Variants in GRM8 observed in about 807,000 individuals in gnomAD.
The protein encoded by GRM8 is metabotropic glutamate receptor 8.
Under a neutral mutation model 87.2 loss-of-function variants are expected in GRM8, and 47 were observed. The ratio of observed to expected loss-of-function variants is 0.54; its 90% CI spans 0.43 to 0.69. The LOEUF is 0.69. Ranked by LOEUF, GRM8 falls within the 30% of genes least tolerant of loss-of-function variation. GRM8 has a pLI of 0.00. For synonymous variants in GRM8, 396 were observed against 404.5 expected, an observed-to-expected ratio of 0.98 and a Z score of 0.25; for missense variants, 1,019 against 1,139.2, an observed-to-expected ratio of 0.89 and a Z score of 1.52.
chr7:126,608,771 T>C (rs1798616574), intron 8 of GRM8, among the ~76,000 whole-genome samples: 1 of 150,836 alleles, frequency 6.6e-6, no homozygotes, highest in Non-Finnish European at 1.5e-5. Flanking sequence ...TTTTTTTTTT[T>C]TTTTTTTCTT....
At chr7:127,210,422 G>A (rs1420340750) in intron 2 of GRM8, among the ~76,000 whole-genome samples, 3 of 152,292 alleles carry the variant, frequency 2.0e-5, no homozygotes, top group Non-Finnish European at 2.9e-5. Flanking sequence ...AATGTTCCAC[G>A]CCTGTGAAAC....
intron 7 of GRM8, among the ~76,000 whole-genome samples, chr7:126,657,629 A>G (rs1804672527): frequency 6.6e-6 from 1 of 152,268 alleles, no homozygotes; most frequent in Admixed American, 6.5e-5. Flanking sequence ...TGAACTCCAG[A>G]GTCTGCAGGC....
At chr7:126,522,253 C>T (rs535757527) in intron 9 of GRM8, among the ~76,000 whole-genome samples, 2 of 152,266 alleles carry the variant, frequency 1.3e-5, no homozygotes, top group South Asian at 4.2e-4. Flanking sequence ...CTTCCACCGC[C>T]ACATGTCAAA....
At chr7:126,913,297 C>G (rs1336174170) in intron 3 of GRM8, among the ~76,000 whole-genome samples, 5 of 152,168 alleles carry the variant, frequency 3.3e-5, no homozygotes, top group Admixed American at 1.3e-4. Flanking sequence ...TAAATCAACT[C>G]AAGTCTGTGG....
intron 9 of GRM8, among the ~76,000 whole-genome samples, chr7:126,481,064 C>A (rs1306960215): frequency 6.6e-6 from 1 of 151,836 alleles, no homozygotes; most frequent in Admixed American, 6.6e-5. Flanking sequence ...AATTTGAGTG[C>A]AAAATATATG....
chr7:126,483,975 G>A (rs939903972), intron 9 of GRM8, among the ~76,000 whole-genome samples: 1 of 151,954 alleles, frequency 6.6e-6, no homozygotes, highest in Non-Finnish European at 1.5e-5. Flanking sequence ...CCAGACTTGA[G>A]CATCAGTCAC....
chr7:126,627,587 T>C (rs1406103225), intron 7 of GRM8, among the ~76,000 whole-genome samples: 1 of 152,184 alleles, frequency 6.6e-6, no homozygotes, highest in Non-Finnish European at 1.5e-5. Context: ...ACAATGCTAA[T>C]AAGAAGTGGC....
At chr7:127,157,969 T>C (rs372561326) in intron 2 of GRM8, among the ~76,000 whole-genome samples, 10 of 152,140 alleles carry the variant, frequency 6.6e-5, no homozygotes, top group African/African-American at 2.4e-4. Flanking sequence ...CAATCAGTGA[T>C]GGCAATGTGC....
chr7:127,014,574 C>T (rs776157444), intron 3 of GRM8, among the ~76,000 whole-genome samples: 11 of 151,972 alleles, frequency 7.2e-5, no homozygotes, highest in East Asian at 1.9e-4. Flanking sequence ...ACTCATAATA[C>T]GGTTGTGCAG....
chr7:126,629,377 C>A (rs986837417), intron 7 of GRM8, among the ~76,000 whole-genome samples: 2 of 152,038 alleles, frequency 1.3e-5, no homozygotes, highest in African/African-American at 2.4e-5. Flanking sequence ...TAAAATCAGG[C>A]AGAAAGTCAC....
chr7:127,240,577 G>A lies in GRM8; in HGVS notation c.510+2118C>T, dbSNP rs117728814. ...ACAGGAATTACAATGGTATTGACAG[G>A]AACCCGAATTGGTTTATAAGGAGAG... On this transcript the variant is annotated intron_variant, in intron 2 of 10. Coordinates refer to ENST00000339582, the MANE Select transcript of GRM8 (RefSeq NM_000845.3). Among the ~76,000 whole-genome samples the A allele has an allele frequency of 4.2e-3, 637 of 152,232 alleles. 5 individuals carry two copies. Among genetic ancestry groups the A allele is most frequent in the South Asian group, 0.029 (139 of 4,818 alleles).
chr7:127,237,743 C>G (rs1336274006), intron 2 of GRM8, among the ~76,000 whole-genome samples: 1 of 152,132 alleles, frequency 6.6e-6, no homozygotes, highest in Non-Finnish European at 1.5e-5. Flanking sequence ...AATTAACAAT[C>G]CAGGTAAAGT....
chr7:127,022,513 T>C (rs1586777274), intron 3 of GRM8, among the ~76,000 whole-genome samples: 5 of 151,734 alleles, frequency 3.3e-5, no homozygotes, highest in African/African-American at 1.2e-4. Flanking sequence ...TGGAGAGGCA[T>C]GGGGGTGGAG....
chr7:126,845,490 A>G lies in GRM8; in HGVS notation c.1156+57052T>C, dbSNP rs142580327. Reference sequence around the variant, plus strand: ...AAAGGATACTTATCAGCATTTTTCCATCTCACAATCTGCACAGAAATGAAT... The same window carrying G: ...AAAGGATACTTATCAGCATTTTTCCGTCTCACAATCTGCACAGAAATGAAT... On this transcript the variant is annotated intron_variant, in intron 6 of 10. Transcript: ENST00000339582. Among the ~76,000 whole-genome samples, 114 of 152,220 alleles carry G rather than the reference A, an allele frequency of 7.5e-4. No individual in the cohort carries two copies. The East Asian group carries it at 0.015, about 21-fold the overall frequency.
At chr7:126,648,332 C>A (rs1485131110) in intron 7 of GRM8, among the ~76,000 whole-genome samples, 1 of 152,106 alleles carries the variant, frequency 6.6e-6, no homozygotes, top group East Asian at 1.9e-4. Flanking sequence ...TTAAAATTGT[C>A]ATTTTAGTAA....
At chr7:126,921,328 C>A (rs1206995683) in intron 3 of GRM8, among the ~76,000 whole-genome samples, 1 of 151,960 alleles carries the variant, frequency 6.6e-6, no homozygotes, top group Non-Finnish European at 1.5e-5. Flanking sequence ...GAAAGCAAAA[C>A]AAATGAAAAT....
intron 6 of GRM8, among the ~76,000 whole-genome samples, chr7:126,896,462 T>C (rs1801549055): frequency 6.6e-6 from 1 of 152,030 alleles, no homozygotes; most frequent in Non-Finnish European, 1.5e-5. Context: ...CCAAATCAAA[T>C]TATGTAAATT....
chr7:126,548,691 T>C (rs1481866725), intron 8 of GRM8, among the ~76,000 whole-genome samples: 1 of 152,052 alleles, frequency 6.6e-6, no homozygotes, highest in Non-Finnish European at 1.5e-5. Flanking sequence ...GAAGTCAATA[T>C]AAACAAACAT....
At chr7:127,047,449 T>C (rs1819043216) in intron 3 of GRM8, among the ~76,000 whole-genome samples, 1 of 152,162 alleles carries the variant, frequency 6.6e-6, no homozygotes, top group African/African-American at 2.4e-5. Context: ...TTCTTTCATG[T>C]TTACATTTCT....
Sources: gnomAD v4.1 joint callset for allele counts (sites outside exome capture counted in the v4.1 genomes callset) on GRCh38, gnomAD v4.1.1 for gene constraint, MANE v1.5 for transcripts, NCBI Gene and HGNC (gene_info 2026-07-23, HGNC 2026-07-21) for gene names.